ANKRD30BL: variants seen among roughly 807,000 people sequenced by gnomAD.
ANKRD30BL encodes the protein ankyrin repeat domain 30B like.
In ANKRD30BL, 20 loss-of-function variants were observed where a neutral mutation model predicts 18.4. The ratio of observed to expected loss-of-function variants is 1.09; its 90% confidence interval spans 0.77 to 1.58. ANKRD30BL has a LOEUF of 1.58. ANKRD30BL is among the 40% of genes most tolerant of loss of function. ANKRD30BL has a pLI of 0.00. For synonymous variants in ANKRD30BL, 72 were observed against 100.9 expected, an observed-to-expected ratio of 0.71 and a Z score of 1.72; for missense variants, 224 against 268.6, an observed-to-expected ratio of 0.83 and a Z score of 1.16.
At chr2:132,254,695 G>A (rs1285716943) in intron 1 of ANKRD30BL, among the ~76,000 whole-genome samples, 5 of 152,210 alleles carry the variant, frequency 3.3e-5, no homozygotes, top group African/African-American at 9.6e-5. Flanking sequence ...GTGCAGCCCT[G>A]GACATTTAAG....
At chr2:132,221,965 G>A (rs1679701093) in intron 1 of ANKRD30BL, among the ~76,000 whole-genome samples, 1 of 134,050 alleles carries the variant, frequency 7.5e-6, no homozygotes, top group Admixed American at 7.0e-5. Context: ...GGGAGGTGAG[G>A]GGCGCCTCTG....
At chr2:132,212,271 T>TA (rs1228089914) in intron 1 of ANKRD30BL, among the ~76,000 whole-genome samples, 1 of 151,724 alleles carries the variant, frequency 6.6e-6, no homozygotes, top group African/African-American at 2.4e-5. Context: ...TGGAGAGCTT[T>TA]GAGGCCTAAG....
chr2:132,198,527 G>A (rs1459900528), intron 1 of ANKRD30BL, among the ~76,000 whole-genome samples: 1 of 150,604 alleles, frequency 6.6e-6, no homozygotes, highest in Non-Finnish European at 1.5e-5. Flanking sequence ...GTTTCACTGT[G>A]TTAGCTAGGA....
In ANKRD30BL at chr2:132,161,829, C is replaced by T. The variant is rs1031551867; in HGVS notation, c.-124G>A. 12 of 628,920 alleles carry T rather than the reference C, an allele frequency of 1.9e-5. No homozygotes were observed. In the East Asian group the frequency reaches 2.7e-4, roughly 14 times the overall value. 39.0% of individuals were successfully genotyped at this position (628,920 alleles called of 1,614,324 possible). A position where few individuals can be genotyped will look rare whatever the true frequency, so the allele number is the denominator to read the frequency against. On this transcript the variant is annotated 5_prime_UTR_variant, in exon 1 of 6. Coordinates refer to ENST00000409867, the MANE Select transcript of ANKRD30BL (RefSeq NM_001358416.1). ...CCCTGACAAGACTAGAAATCTCAGT[C>T]GGGCCAAGCTTTTGGACACTCCAAC... is the stretch of plus-strand genomic sequence containing the variant.
chr2:132,234,964 A>G (rs1216939108), intron 1 of ANKRD30BL, among the ~76,000 whole-genome samples: 1 of 152,212 alleles, frequency 6.6e-6, no homozygotes, highest in Non-Finnish European at 1.5e-5. Context: ...CGAATCCAGC[A>G]GAACATCAAA....
upstream of ANKRD30BL, among the ~76,000 whole-genome samples, chr2:132,162,796 G>A (rs1014044347): frequency 2.6e-5 from 4 of 152,278 alleles, no homozygotes; most frequent in Non-Finnish European, 4.4e-5. Flanking sequence ...CAGGCTCTGG[G>A]CACTGTGCAG....
At chr2:132,203,220 C>G (rs1346542803) in intron 1 of ANKRD30BL, among the ~76,000 whole-genome samples, 9 of 152,298 alleles carry the variant, frequency 5.9e-5, no homozygotes, top group Admixed American at 2.0e-4. Flanking sequence ...CACACAAGTT[C>G]AAGGAGCTTG....
At chr2:132,204,220 A>G (rs9282893) in intron 1 of ANKRD30BL, among the ~76,000 whole-genome samples, 18 of 144,288 alleles carry the variant, frequency 1.2e-4, no homozygotes, top group African/African-American at 3.9e-4. Flanking sequence ...AAGTGTGTGT[A>G]TCTTTGAAGG....
chr2:132,248,679 G>C (rs1334543373), intron 1 of ANKRD30BL, among the ~76,000 whole-genome samples: 10 of 151,924 alleles, frequency 6.6e-5, no homozygotes, highest in Non-Finnish European at 1.5e-5. Flanking sequence ...TACAAGAACA[G>C]AGTTTCCAGA....
chr2:132,171,636 G>C (rs1342937847), intron 1 of ANKRD30BL, among the ~76,000 whole-genome samples: 2 of 152,098 alleles, frequency 1.3e-5, no homozygotes. Flanking sequence ...GTTTAATAAA[G>C]TTTAAATTTT....
At chr2:132,157,607 T>TGCCTGTTTGAACAGAAAGAGC (rs1687945862) in intron 1 of ANKRD30BL, among the ~76,000 whole-genome samples, 184 bp from the exon 2 acceptor site, 1 of 152,176 alleles carries the variant, frequency 6.6e-6, no homozygotes, top group Non-Finnish European at 1.5e-5. Flanking sequence ...AATGAAAGAG[T>TGCCTGTTTGAACAGAAAGAGC]GCCTGTTTGA....
At chr2:132,195,404 G>T (rs914387886) in intron 1 of ANKRD30BL, among the ~76,000 whole-genome samples, 6 of 151,778 alleles carry the variant, frequency 4.0e-5, no homozygotes, top group African/African-American at 1.5e-4. Context: ...TCCTAGAGAT[G>T]AATTCACCAC....
At chr2:132,238,520 A>G (rs972766528) in intron 1 of ANKRD30BL, among the ~76,000 whole-genome samples, 25 of 151,900 alleles carry the variant, frequency 1.6e-4, no homozygotes, top group African/African-American at 5.3e-4. Context: ...AGACTTGAAC[A>G]TTCGTTTTCA....
chr2:132,182,572 C>G (rs958091032), intron 1 of ANKRD30BL, among the ~76,000 whole-genome samples: 4 of 151,816 alleles, frequency 2.6e-5, no homozygotes, highest in African/African-American at 9.7e-5. Flanking sequence ...GGAAGCTCAG[C>G]TTAATAATGA....
chr2:132,178,700 A>G (rs1688405398), intron 1 of ANKRD30BL, among the ~76,000 whole-genome samples: 1 of 152,146 alleles, frequency 6.6e-6, no homozygotes, highest in Admixed American at 6.5e-5. Flanking sequence ...ATCAAAATGT[A>G]GAAAATATTT....
intron 1 of ANKRD30BL, among the ~76,000 whole-genome samples, chr2:132,226,781 G>C (rs565570241): frequency 1.3e-5 from 2 of 152,010 alleles, no homozygotes; most frequent in Admixed American, 1.3e-4. Flanking sequence ...TCTTTTGATT[G>C]AGAATTATGG....
intron 1 of ANKRD30BL, among the ~76,000 whole-genome samples, chr2:132,208,375 G>A (rs1309489768): frequency 3.3e-5 from 5 of 152,004 alleles, no homozygotes; most frequent in Non-Finnish European, 2.9e-5. Flanking sequence ...TAGACTCCCT[G>A]AAGTTAGGAA....
chr2:132,165,800 T>C (rs1374344773), upstream of ANKRD30BL, among the ~76,000 whole-genome samples: 2 of 151,442 alleles, frequency 1.3e-5, no homozygotes, highest in African/African-American at 4.8e-5. Flanking sequence ...ATAGCAACTA[T>C]GGGCATAAGA....
At chr2:132,174,282 C>T (rs1157059839) in intron 1 of ANKRD30BL, among the ~76,000 whole-genome samples, 1 of 152,162 alleles carries the variant, frequency 6.6e-6, no homozygotes, top group African/African-American at 2.4e-5. Context: ...TTAATAGTGG[C>T]TACAAACTAG....
Sources: gnomAD v4.1 joint callset for allele counts (sites outside exome capture counted in the v4.1 genomes callset) on GRCh38, gnomAD v4.1.1 for gene constraint, MANE v1.5 for transcripts, NCBI Gene and HGNC (gene_info 2026-07-23, HGNC 2026-07-21) for gene names.